The following RANBP2 variants were observed in gnomAD, a reference collection of about 807,000 sequenced individuals.
RANBP2 encodes RAN binding protein 2.
Under a neutral mutation model 303.6 loss-of-function variants are expected in RANBP2, and 57 were observed. That is an observed-to-expected ratio of 0.19 (90% confidence interval 0.15 to 0.23). The LOEUF (loss-of-function observed/expected upper bound fraction) is 0.23. RANBP2 is among the 10% of genes least tolerant of loss of function. The pLI is 1.00. For synonymous variants in RANBP2, 1,167 were observed against 1,301.5 expected, an observed-to-expected ratio of 0.90 and a Z score of 2.23; for missense variants, 3,138 against 3,780.8, an observed-to-expected ratio of 0.83 and a Z score of 4.46.
At chr2:109,541,660 A>G in the RANBP2 span, among the ~76,000 whole-genome samples, 1 of 152,336 alleles carries the variant, frequency 6.6e-6, no homozygotes, top group Admixed American at 6.5e-5. Context: ...GATGGTGCTC[A>G]GCTACCTTCC....
chr2:109,278,316 G>T, the RANBP2 span, among the ~76,000 whole-genome samples: 1 of 152,234 alleles, frequency 6.6e-6, no homozygotes. Context: ...ACACATAGCA[G>T]CAGGCTGGTG....
At chr2:108,744,894 AAC>A (rs1269276914) in intron 7 of RANBP2, among the ~76,000 whole-genome samples, 2 of 152,232 alleles carry the variant, frequency 1.3e-5, no homozygotes, top group African/African-American at 2.4e-5. Context: ...TCTCCAAGTA[AAC>A]ACATATATAT....
chr2:109,167,681 C>T, the RANBP2 span, among the ~76,000 whole-genome samples: 2 of 152,200 alleles, frequency 1.3e-5, no homozygotes, highest in East Asian at 1.9e-4. Context: ...AAGCGATTCT[C>T]CTACTTCAGC....
the RANBP2 span, among the ~76,000 whole-genome samples, chr2:109,450,440 C>T: frequency 6.6e-6 from 1 of 152,162 alleles, no homozygotes; most frequent in South Asian, 2.1e-4. Context: ...GATGAGAATC[C>T]AGACTTCTAA....
the RANBP2 span, chr2:108,906,344 G>T: frequency 1.2e-6 from 2 of 1,614,066 alleles, no homozygotes; most frequent in African/African-American, 2.7e-5. Flanking sequence ...TACACATCGA[G>T]GATCTTTTTC....
At chr2:108,991,505 G>T in the RANBP2 span, among the ~76,000 whole-genome samples, 22 of 152,300 alleles carry the variant, frequency 1.4e-4, no homozygotes, top group African/African-American at 5.3e-4. Flanking sequence ...ATGTAATTTA[G>T]AACAAATGAA....
chr2:109,324,407 C>T, the RANBP2 span, among the ~76,000 whole-genome samples: 36 of 152,296 alleles, frequency 2.4e-4, no homozygotes, highest in African/African-American at 7.9e-4. Context: ...CCATTCCCAC[C>T]GGCAATGTAT....
At chr2:108,747,711 G>C (rs530515069) in intron 8 of RANBP2, among the ~76,000 whole-genome samples, 1 of 152,232 alleles carries the variant, frequency 6.6e-6, no homozygotes, top group African/African-American at 2.4e-5. Flanking sequence ...GCCTCTGTAA[G>C]TGTGCTGAGA....
the RANBP2 span, among the ~76,000 whole-genome samples, chr2:108,894,273 C>CTT: frequency 6.6e-6 from 1 of 152,152 alleles, no homozygotes; most frequent in Non-Finnish European, 1.5e-5. Flanking sequence ...TACATGATCT[C>CTT]TTTGTAATGT....
At chr2:108,820,084 C>CT in the RANBP2 span, among the ~76,000 whole-genome samples, 3 of 152,126 alleles carry the variant, frequency 2.0e-5, no homozygotes, top group Non-Finnish European at 4.4e-5. Context: ...ACGCAGAAGA[C>CT]ATCAACACAC....
At chr2:109,193,782 A>G in the RANBP2 span, among the ~76,000 whole-genome samples, 2 of 152,178 alleles carry the variant, frequency 1.3e-5, no homozygotes, top group Non-Finnish European at 2.9e-5. Context: ...GGAAAAGAAC[A>G]TTTGTGCAGT....
the RANBP2 span, among the ~76,000 whole-genome samples, chr2:109,051,565 A>T: frequency 2.0e-4 from 30 of 152,170 alleles, no homozygotes; most frequent in African/African-American, 7.2e-4. Flanking sequence ...AGTTGGCATA[A>T]GTGAGCCTTA....
chr2:108,870,430 G>A, the RANBP2 span, among the ~76,000 whole-genome samples: 2 of 152,052 alleles, frequency 1.3e-5, no homozygotes, highest in African/African-American at 4.8e-5. Flanking sequence ...GAGAAAGGGT[G>A]GAAAGATAAT....
At chr2:109,105,372 G>A in the RANBP2 span, among the ~76,000 whole-genome samples, 677 of 152,262 alleles carry the variant, frequency 4.4e-3, 6 homozygotes, top group African/African-American at 0.015. Context: ...AGGCCACTGT[G>A]CATGTGGACA....
the RANBP2 span, among the ~76,000 whole-genome samples, chr2:109,080,960 T>C: frequency 3.9e-5 from 6 of 152,184 alleles, no homozygotes; most frequent in African/African-American, 1.2e-4. Flanking sequence ...GCTGTGCCAC[T>C]GACACAACAT....
chr2:109,210,345 A>G, the RANBP2 span, among the ~76,000 whole-genome samples: 12 of 152,326 alleles, frequency 7.9e-5, no homozygotes, highest in East Asian at 1.7e-3. Flanking sequence ...AAGATTTTTA[A>G]TGTCACTGAT....
At chr2:109,726,099 T>TGTGTGTGTG in the RANBP2 span, among the ~76,000 whole-genome samples, 2 of 66,072 alleles carry the variant, frequency 3.0e-5, no homozygotes, top group Non-Finnish European at 7.1e-5. Flanking sequence ...GTGTGTGTGT[T>TGTGTGTGTG]TGTGTTTTCC....
the RANBP2 span, among the ~76,000 whole-genome samples, chr2:109,412,614 A>G: frequency 6.6e-6 from 1 of 152,216 alleles, no homozygotes; most frequent in Non-Finnish European, 1.5e-5. Flanking sequence ...GTCAGCTCCC[A>G]GGATCCCCTG....
chr2:109,097,669 T>G, the RANBP2 span, among the ~76,000 whole-genome samples: 6 of 151,868 alleles, frequency 4.0e-5, no homozygotes, highest in East Asian at 9.7e-4. Context: ...GTTTTTTTAC[T>G]CAGGCTGCCT....
Sources: gnomAD v4.1 joint callset for allele counts (sites outside exome capture counted in the v4.1 genomes callset) on GRCh38, gnomAD v4.1.1 for gene constraint, MANE v1.5 for transcripts, NCBI Gene and HGNC (gene_info 2026-07-23, HGNC 2026-07-21) for gene names.